Variants in POLR3GL observed in about 807,000 individuals in gnomAD.
POLR3GL encodes RNA polymerase III subunit GL, also known as DNA-directed RNA polymerase III subunit RPC7-like.
POLR3GL carries 26 observed loss-of-function variants against 32.4 expected under a neutral mutation model. The ratio of observed to expected loss-of-function variants is 0.80; its 90% CI spans 0.59 to 1.11. The LOEUF (loss-of-function observed/expected upper bound fraction) is 1.11. POLR3GL is among the 50% of genes most tolerant of loss of function. The pLI is 0.00. For missense variants in POLR3GL, 229 were observed against 280.1 expected, an observed-to-expected ratio of 0.82 and a Z score of 1.30; for synonymous variants, 95 against 98.7, an observed-to-expected ratio of 0.96 and a Z score of 0.22.
chr1:145,966,054 T>C (rs1451360944), intron 1 of POLR3GL, among the ~76,000 whole-genome samples: 1 of 138,650 alleles, frequency 7.2e-6, no homozygotes, highest in Non-Finnish European at 1.5e-5. Context: ...AGGCGGAGGT[T>C]GCAGTGAGCT....
intron 1 of POLR3GL, among the ~76,000 whole-genome samples, chr1:145,972,087 A>AC: frequency 6.7e-6 from 1 of 148,168 alleles, no homozygotes; most frequent in Middle Eastern, 3.4e-3. Context: ...CACACATAAG[A>AC]AGTGGGAAGT....
intron 1 of POLR3GL, among the ~76,000 whole-genome samples, chr1:145,967,082 G>A (rs1483123971): frequency 2.6e-5 from 4 of 151,864 alleles, no homozygotes; most frequent in African/African-American, 9.7e-5. Flanking sequence ...TGAGGTATGA[G>A]AGTGTCCATT....
chr1:145,966,324 A>T (rs1553762053), intron 1 of POLR3GL, among the ~76,000 whole-genome samples: 1 of 151,578 alleles, frequency 6.6e-6, no homozygotes, highest in African/African-American at 2.4e-5. Flanking sequence ...TACAAAAACT[A>T]CAAAAAAAAT....
rs1649945253 is a variant in POLR3GL at position 145,964,782 on chromosome 1, T to C, written c.-42+14T>C. 2 of 152,268 alleles carry C rather than the reference T, an allele frequency of 1.3e-5. No homozygotes were observed. The highest frequency in any genetic ancestry group is 4.8e-5 in the African/African-American group (2 of 41,448). 9.4% of individuals were successfully genotyped at this position (152,268 alleles called of 1,614,324 possible). A position where few individuals can be genotyped will look rare whatever the true frequency, so the allele number is the denominator to read the frequency against. On this transcript the variant is annotated intron_variant, in intron 1 of 7. Transcript: ENST00000369314. ...GAGGGGCAGCAGGTAAGGCTTGACCTGGTTCGGTCCGACACTTGCCAAACT... is the reference window on the plus strand; with the variant it reads ...GAGGGGCAGCAGGTAAGGCTTGACCCGGTTCGGTCCGACACTTGCCAAACT...
intron 1 of POLR3GL, among the ~76,000 whole-genome samples, chr1:145,970,326 T>C (rs1313127166): frequency 6.6e-6 from 1 of 152,094 alleles, no homozygotes; most frequent in Non-Finnish European, 1.5e-5. Context: ...TTTTATTTTT[T>C]GTAGAGATGG....
intron 1 of POLR3GL, among the ~76,000 whole-genome samples, chr1:145,967,356 A>G (rs1650085564): frequency 6.6e-6 from 1 of 151,870 alleles, no homozygotes; most frequent in South Asian, 2.1e-4. Context: ...TTGTATTTTT[A>G]GTAGAGACAG....
Position 145,978,566 on chromosome 1 carries a change from G to C in POLR3GL, c.*119G>C. ...AGTTCATATAATCTGTCTGTTCCCT[G>C]GAGATGGGAATAGAGGATGATGACA... On this transcript the variant is annotated 3_prime_UTR_variant, in exon 8 of 8. Transcript: ENST00000369314. 1 of 722,982 alleles carries C rather than the reference G, an allele frequency of 1.4e-6. No homozygotes were observed. Among genetic ancestry groups the C allele is most frequent in the Non-Finnish European group, 2.5e-6 (1 of 406,222 alleles). The allele number at this position is 722,982 out of a possible 1,614,324, so 44.8% of individuals were successfully genotyped here.
chr1:145,969,637 C>T (rs1650189320), intron 1 of POLR3GL, among the ~76,000 whole-genome samples: 3 of 150,180 alleles, frequency 2.0e-5, no homozygotes, highest in Admixed American at 6.6e-5. Context: ...CATACATAAC[C>T]TGGCTGGGCA....
chr1:145,967,773 A>T (rs1650106168), intron 1 of POLR3GL, among the ~76,000 whole-genome samples: 1 of 152,180 alleles, frequency 6.6e-6, no homozygotes, highest in Non-Finnish European at 1.5e-5. Flanking sequence ...TGGGTGCAGC[A>T]TGTTTTTGTC....
chr1:145,972,759 G>C (rs1650377678), intron 1 of POLR3GL, among the ~76,000 whole-genome samples: 1 of 151,928 alleles, frequency 6.6e-6, no homozygotes, highest in African/African-American at 2.4e-5. Context: ...GAGTGCAAGT[G>C]GTGCAATCAT....
Position 145,974,947 on chromosome 1 carries a change from G to A in POLR3GL, c.82G>A (p.Asp28Asn). ...GGAGGCCGTGGGCATTGGGAAAGGG[G>A]ATGCTTTGCCCCCACCCACCCTGCA... ...NVEAVGIGKG[D>N]ALPPPTLQPS... is the part of the protein sequence containing the mutation. The change falls in exon 2 of 8, where the codon GAT becomes AAT. Residue 28 changes from aspartate (D) to asparagine (N), a missense_variant. By Grantham distance (23) the Asp-to-Asn change is conservative. Transcript: ENST00000369314. 1 of 1,519,562 alleles carries A rather than the reference G, an allele frequency of 6.6e-7. No homozygotes were observed. The highest frequency in any genetic ancestry group is 1.7e-4 in the Middle Eastern group (1 of 5,726). 94.1% of individuals were successfully genotyped at this position (1,519,562 alleles called of 1,614,324 possible).
intron 1 of POLR3GL, among the ~76,000 whole-genome samples, chr1:145,971,492 G>C (rs1421565674): frequency 6.6e-6 from 1 of 152,116 alleles, no homozygotes; most frequent in African/African-American, 2.4e-5. Flanking sequence ...CTCTTTATTA[G>C]TGTGGGGTTA....
intron 3 of POLR3GL, among the ~76,000 whole-genome samples, chr1:145,975,677 G>A (rs1207202421): frequency 5.3e-5 from 8 of 152,130 alleles, no homozygotes; most frequent in African/African-American, 1.9e-4. Context: ...GTAGGGGGAT[G>A]TATTTTCTAA....
chr1:145,966,343 A>C (rs1042712007), intron 1 of POLR3GL, among the ~76,000 whole-genome samples: 1 of 151,672 alleles, frequency 6.6e-6, no homozygotes, highest in East Asian at 1.9e-4. Flanking sequence ...ATAGCCAAGC[A>C]TGGTGTCTCA....
At chr1:145,977,916 G>T in intron 6 of POLR3GL, 65 bp downstream of exon 6, 1 of 1,613,856 alleles carries the variant, frequency 6.2e-7, no homozygotes, top group Non-Finnish European at 8.5e-7. Context: ...CTTGGCCCAT[G>T]TGTGCCTCAA....
intron 1 of POLR3GL, among the ~76,000 whole-genome samples, chr1:145,968,636 A>G (rs1278031109): frequency 2.0e-5 from 3 of 151,786 alleles, no homozygotes; most frequent in African/African-American, 4.8e-5. Context: ...CAGTGGCACA[A>G]TCTTGGCTCA....
rs1650597228 is a variant in POLR3GL at position 145,977,208 on chromosome 1, A to G, written c.325+56A>G. 4 of 1,455,210 alleles carry G rather than the reference A, an allele frequency of 2.7e-6. No homozygotes were observed. The South Asian group carries it at 3.4e-5, about 12-fold the overall frequency. 90.1% of individuals were successfully genotyped at this position (1,455,210 alleles called of 1,614,324 possible). A position where few individuals can be genotyped will look rare whatever the true frequency, so the allele number is the denominator to read the frequency against. On this transcript the variant is annotated intron_variant, in intron 4 of 7. Coordinates refer to ENST00000369314, the MANE Select transcript of POLR3GL (RefSeq NM_032305.3). ...TTCTTTCAAATGCATGGGATGCTTC[A>G]AGCTATTCCCACCACGCCCATGACC... is the stretch of plus-strand genomic sequence containing the variant.
chr1:145,974,686 CTG>C, intron 1 of POLR3GL, 137 bp from the exon 2 acceptor site: 1 of 524,260 alleles, frequency 1.9e-6, no homozygotes, highest in Non-Finnish European at 3.2e-6. Flanking sequence ...CTCTCTGACA[CTG>C]TGCCTTCTCA....
intron 7 of POLR3GL, 116 bp downstream of exon 7, chr1:145,978,212 C>G: frequency 7.0e-7 from 1 of 1,420,216 alleles, no homozygotes; most frequent in Non-Finnish European, 9.6e-7. Context: ...GTAGGGGCTT[C>G]TCTCTACTTC....
Sources: allele counts gnomAD v4.1 joint callset (sites outside exome capture counted in the v4.1 genomes callset), GRCh38; gene constraint gnomAD v4.1.1; transcripts MANE v1.5; gene names NCBI Gene and HGNC (gene_info 2026-07-23, HGNC 2026-07-21).